RANBP2: variants seen among roughly 807,000 people sequenced by gnomAD.
The protein encoded by RANBP2 is E3 SUMO-protein ligase RanBP2.
In RANBP2, 57 loss-of-function variants were observed where a neutral mutation model predicts 303.6. The observed-to-expected ratio is 0.19, with a 90% CI of 0.15 to 0.23. The LOEUF (loss-of-function observed/expected upper bound fraction) is 0.23. Ranked by LOEUF, RANBP2 falls within the 10% of genes least tolerant of loss-of-function variation. RANBP2 has a pLI of 1.00. For synonymous variants in RANBP2, 1,167 were observed against 1,301.5 expected (o/e 0.90, Z 2.23); for missense variants, 3,138 against 3,780.8 (o/e 0.83, Z 4.46).
chr2:108,983,929 G>T, the RANBP2 span, among the ~76,000 whole-genome samples: 9 of 152,358 alleles, frequency 5.9e-5, no homozygotes, highest in African/African-American at 1.9e-4. Context: ...TGAGGAGGAA[G>T]CGAGTGCAGC....
At chr2:109,078,278 A>ATATATATATATATATATATAGCGTG in the RANBP2 span, among the ~76,000 whole-genome samples, 1 of 107,754 alleles carries the variant, frequency 9.3e-6, no homozygotes, top group Non-Finnish European at 1.8e-5. Context: ...GTATATATAT[A>ATATATATATATATATATATAGCGTG]TATATATATA....
the RANBP2 span, among the ~76,000 whole-genome samples, chr2:109,055,605 C>T: frequency 0.72 from 109,067 of 151,018 alleles, 42,535 homozygotes; most frequent in Non-Finnish European, 0.89. Flanking sequence ...AGGCTGGTCT[C>T]GAACTGCTGA....
the RANBP2 span, among the ~76,000 whole-genome samples, chr2:108,800,162 A>G: frequency 6.6e-6 from 1 of 152,196 alleles, no homozygotes; most frequent in Non-Finnish European, 1.5e-5. Context: ...GGTATATTCA[A>G]GACCTTCTGG....
the RANBP2 span, among the ~76,000 whole-genome samples, chr2:109,201,183 A>G: frequency 6.6e-6 from 1 of 152,232 alleles, no homozygotes; most frequent in Non-Finnish European, 1.5e-5. Context: ...CATGGCTGCA[A>G]GATGCACGGT....
chr2:109,434,910 TCTC>T, the RANBP2 span, among the ~76,000 whole-genome samples: 166 of 152,302 alleles, frequency 1.1e-3, no homozygotes, highest in Non-Finnish European at 1.6e-3. Context: ...AGAACTGTCT[TCTC>T]CTGCTGCCAG....
the RANBP2 span, among the ~76,000 whole-genome samples, chr2:108,794,110 CA>C: frequency 6.6e-6 from 1 of 151,944 alleles, no homozygotes. Context: ...ATATAAAAGG[CA>C]AAACAAGCAA....
chr2:109,485,189 T>C, the RANBP2 span, among the ~76,000 whole-genome samples: 1 of 152,172 alleles, frequency 6.6e-6, no homozygotes, highest in African/African-American at 2.4e-5. Context: ...TGATCTTAAA[T>C]ATTGCCTGAG....
At chr2:109,554,030 C>T in the RANBP2 span, among the ~76,000 whole-genome samples, 4 of 152,114 alleles carry the variant, frequency 2.6e-5, no homozygotes, top group African/African-American at 7.2e-5. Context: ...TTTCTGGTCA[C>T]AAAAACATTA....
the RANBP2 span, among the ~76,000 whole-genome samples, chr2:109,477,342 A>T: frequency 6.6e-6 from 1 of 152,166 alleles, no homozygotes; most frequent in Admixed American, 6.5e-5. Flanking sequence ...CCATGAAAAA[A>T]GTGACAGGTA....
At chr2:108,788,051 A>T (rs1270539604), downstream of RANBP2, 12 of 1,574,266 alleles carry the variant, frequency 7.6e-6, no homozygotes, top group Non-Finnish European at 1.0e-5. Flanking sequence ...TCAAATTTTT[A>T]TCAGTCTAAG....
chr2:109,200,492 G>C, the RANBP2 span, among the ~76,000 whole-genome samples: 2 of 152,094 alleles, frequency 1.3e-5, no homozygotes, highest in Admixed American at 1.3e-4. Context: ...CCTGTGTCCT[G>C]CTCAGTCGGC....
the RANBP2 span, among the ~76,000 whole-genome samples, chr2:109,311,776 A>G: frequency 2.3e-5 from 3 of 132,960 alleles, no homozygotes; most frequent in East Asian, 4.1e-4. Flanking sequence ...TGAGCAAGTC[A>G]TATCAAGGCT....
the RANBP2 span, among the ~76,000 whole-genome samples, chr2:108,861,980 T>C: frequency 2.0e-5 from 3 of 152,228 alleles, no homozygotes; most frequent in South Asian, 2.1e-4. Context: ...GTAAATTCTT[T>C]AGTTTTCATG....
At chr2:109,575,695 G>A in the RANBP2 span, among the ~76,000 whole-genome samples, 1 of 152,208 alleles carries the variant, frequency 6.6e-6, no homozygotes, top group Non-Finnish European at 1.5e-5. Flanking sequence ...GGGTTTCCAA[G>A]TGAAAATAAC....
chr2:109,524,786 A>C, the RANBP2 span, among the ~76,000 whole-genome samples: 3 of 151,970 alleles, frequency 2.0e-5, no homozygotes, highest in Admixed American at 6.5e-5. Context: ...AAATTAAAAA[A>C]TCTAAAAAGG....
chr2:109,233,706 G>A, the RANBP2 span, among the ~76,000 whole-genome samples: 1 of 152,174 alleles, frequency 6.6e-6, no homozygotes. Context: ...CTTTTGGCTC[G>A]GAATATTCAT....
At chr2:109,500,380 C>T in the RANBP2 span, among the ~76,000 whole-genome samples, 1 of 152,164 alleles carries the variant, frequency 6.6e-6, no homozygotes, top group Non-Finnish European at 1.5e-5. Flanking sequence ...AGCTCCAGCA[C>T]CTGCCACGCA....
intron 19 of RANBP2, among the ~76,000 whole-genome samples, chr2:108,762,729 T>C (rs1024436582): frequency 6.6e-6 from 1 of 150,542 alleles, no homozygotes. Flanking sequence ...GATATTAAAA[T>C]GAGATAATAA....
chr2:109,029,743 G>A, the RANBP2 span, among the ~76,000 whole-genome samples: 40 of 152,216 alleles, frequency 2.6e-4, no homozygotes, highest in East Asian at 7.5e-3. Context: ...AGGGCCCCCC[G>A]GCAGCCATCA....
Sources: allele counts gnomAD v4.1 joint callset (sites outside exome capture counted in the v4.1 genomes callset), GRCh38; gene constraint gnomAD v4.1.1; transcripts MANE v1.5; gene names NCBI Gene and HGNC (gene_info 2026-07-23, HGNC 2026-07-21).